The following DZANK1 variants were observed in gnomAD, a reference collection of about 807,000 sequenced individuals.
DZANK1 encodes double zinc ribbon and ankyrin repeat-containing protein 1.
Under a neutral mutation model 94.5 loss-of-function variants are expected in DZANK1, and 91 were observed. The observed-to-expected ratio is 0.96, with a 90% CI of 0.81 to 1.15. The LOEUF (loss-of-function observed/expected upper bound fraction) is 1.15, where lower values mean the gene tolerates loss of function less well. DZANK1 is among the 50% of genes most tolerant of loss of function. The probability of loss-of-function intolerance (pLI) is 0.00; values close to 1 mark genes in which losing one functional copy is unlikely to be tolerated. For synonymous variants in DZANK1, 312 were observed against 325.3 expected, an observed-to-expected ratio of 0.96 and a Z score of 0.44; for missense variants, 903 against 916.4, an observed-to-expected ratio of 0.99 and a Z score of 0.19.
intron 6 of DZANK1, 137 bp downstream of exon 6, chr20:18,452,478 A>G (rs1211857316): frequency 1.6e-5 from 16 of 1,013,050 alleles, no homozygotes; most frequent in East Asian, 2.7e-5. Flanking sequence ...TTTCTTGTCC[A>G]GTACAGTATT....
chr20:18,428,250 G>A lies in DZANK1; in HGVS notation c.862-1091C>T, dbSNP rs141597831. On this transcript the variant is annotated intron_variant, in intron 9 of 20. Coordinates refer to ENST00000262547, the Ensembl canonical transcript of DZANK1. ...GTCACCCAGGCTGGCGTGCAGTGGC[G>A]AGATCTCAGCTCACTGCAACCTCTG... Among the ~76,000 whole-genome samples, 1,200 of 151,182 alleles carry A rather than the reference G, an allele frequency of 7.9e-3. 15 individuals are homozygous for A. Among genetic ancestry groups the A allele is most frequent in the African/African-American group, 0.027 (1,118 of 41,260 alleles).
At chr20:18,462,579 T>C (rs1222149451) in intron 2 of DZANK1, among the ~76,000 whole-genome samples, 2 of 152,188 alleles carry the variant, frequency 1.3e-5, no homozygotes, top group African/African-American at 4.8e-5. Context: ...CCAGTCAGAA[T>C]GGCCTTTGTT....
At chr20:18,405,030 C>T (rs750066569) in intron 13 of DZANK1, among the ~76,000 whole-genome samples, 14 of 151,836 alleles carry the variant, frequency 9.2e-5, no homozygotes, top group African/African-American at 1.9e-4. Context: ...CCCATCTCTA[C>T]AAAAATTTTT....
chr20:18,404,555 C>T (rs117771900), intron 13 of DZANK1, among the ~76,000 whole-genome samples: 2,116 of 152,176 alleles, frequency 0.014, 34 homozygotes, highest in Non-Finnish European at 0.018. Context: ...AGAGTTGATA[C>T]AATATATTAT....
chr20:18,431,046 G>A (rs1010080680), intron 9 of DZANK1, among the ~76,000 whole-genome samples: 1 of 152,092 alleles, frequency 6.6e-6, no homozygotes, highest in Non-Finnish European at 1.5e-5. Context: ...AAATAGAAAT[G>A]GAGGTAGAGT....
chr20:18,433,893 CT>C (rs2058392656), intron 8 of DZANK1, 128 bp from the exon 9 acceptor site: 1 of 766,696 alleles, frequency 1.3e-6, no homozygotes, highest in Non-Finnish European at 2.1e-6. Flanking sequence ...ATCTCAAAAC[CT>C]AGGCAGGTCG....
intron 6 of DZANK1, among the ~76,000 whole-genome samples, chr20:18,452,266 A>G (rs1054361460): frequency 6.6e-6 from 1 of 152,102 alleles, no homozygotes; most frequent in Non-Finnish European, 1.5e-5. Context: ...ATCAGGCCTG[A>G]GAATGTGTGT....
chr20:18,422,351 A>G (rs1244124713), intron 10 of DZANK1, among the ~76,000 whole-genome samples: 1 of 152,176 alleles, frequency 6.6e-6, no homozygotes, highest in Non-Finnish European at 1.5e-5. Flanking sequence ...AATTGATGGT[A>G]GATGCATGAA....
At chr20:18,429,823 TGAC>T (rs1313991863) in intron 9 of DZANK1, among the ~76,000 whole-genome samples, 2 of 152,236 alleles carry the variant, frequency 1.3e-5, no homozygotes, top group Admixed American at 6.5e-5. Flanking sequence ...TCTAGAGCAG[TGAC>T]CACGACCCAC....
chr20:18,396,497 A>G (rs770921132), exon 15 of DZANK1: 1 of 1,613,524 alleles, frequency 6.2e-7, no homozygotes, highest in Non-Finnish European at 8.5e-7. Context: ...ACTATAATTC[A>G]GTCTGATGCT....
chr20:18,397,189 G>A (rs989625876), intron 14 of DZANK1, among the ~76,000 whole-genome samples: 5 of 152,148 alleles, frequency 3.3e-5, no homozygotes, highest in South Asian at 2.1e-4. Context: ...TGTCTCAACC[G>A]CCACAGTTTG....
chr20:18,394,171 C>A, intron 16 of DZANK1, 83 bp downstream of exon 16: 2 of 1,211,460 alleles, frequency 1.7e-6, no homozygotes, highest in Non-Finnish European at 2.4e-6. Context: ...GGCTGTCAAA[C>A]TCTTAGCAGT....
chr20:18,402,182 G>A (rs908274811), intron 13 of DZANK1, among the ~76,000 whole-genome samples: 1 of 152,108 alleles, frequency 6.6e-6, no homozygotes, highest in Non-Finnish European at 1.5e-5. Context: ...GGCAGGAAAG[G>A]CTCCCCCAAC....
chr20:18,415,565 TTTTGTTTTG>T, intron 10 of DZANK1, 116 bp from the exon 11 acceptor site: 1 of 1,107,434 alleles, frequency 9.0e-7, no homozygotes. Context: ...ATAGTGTTTT[TTTTGTTTTG>T]TTTTGTTTTG....
At chr20:18,436,511 G>T (rs1281880524) in intron 8 of DZANK1, among the ~76,000 whole-genome samples, 1 of 151,342 alleles carries the variant, frequency 6.6e-6, no homozygotes, top group Non-Finnish European at 1.5e-5. Context: ...AAGAATCAGT[G>T]AACTTGAACA....
chr20:18,465,718 C>A (rs1189346505), intron 1 of DZANK1, among the ~76,000 whole-genome samples: 1 of 152,206 alleles, frequency 6.6e-6, no homozygotes, highest in Non-Finnish European at 1.5e-5. Context: ...AAATCATTAT[C>A]GCCTTTTCCT....
chr20:18,420,139 TCGCAA>T (rs2148498986), intron 10 of DZANK1: 1 of 179,998 alleles, frequency 5.6e-6, no homozygotes, highest in African/African-American at 2.4e-5. Context: ...TTCTTCTTAT[TCGCAA>T]AATTGCTAAT....
intron 3 of DZANK1, among the ~76,000 whole-genome samples, chr20:18,456,303 GC>G (rs1247184740): frequency 6.6e-6 from 1 of 152,154 alleles, no homozygotes; most frequent in African/African-American, 2.4e-5. Context: ...GTTCTCTGAT[GC>G]AGTAAGAGCT....
intron 9 of DZANK1, among the ~76,000 whole-genome samples, chr20:18,431,106 CA>C (rs11480900): frequency 1.3e-5 from 2 of 151,532 alleles, no homozygotes; most frequent in South Asian, 4.2e-4. Context: ...TCATTTGTTA[CA>C]AAAAATTAGG....
Sources: allele counts gnomAD v4.1 joint callset (sites outside exome capture counted in the v4.1 genomes callset), GRCh38; gene constraint gnomAD v4.1.1; transcripts MANE v1.5; gene names NCBI Gene and HGNC (gene_info 2026-07-23, HGNC 2026-07-21).